HDAC9: variants seen among roughly 807,000 people sequenced by gnomAD.
HDAC9 encodes the protein MEF-2 interacting transcription repressor (MITR) protein.
In HDAC9, 41 loss-of-function variants were observed where a neutral mutation model predicts 139.4. That is an observed-to-expected ratio of 0.29 (90% CI 0.23 to 0.38). The LOEUF (loss-of-function observed/expected upper bound fraction) is 0.38. Among genes scored for constraint, HDAC9 ranks in the 10% least tolerant of loss-of-function variants. The pLI, the probability that HDAC9 is intolerant of heterozygous loss-of-function variation, is 1.00. For synonymous variants in HDAC9, 517 were observed against 476.2 expected (o/e 1.09, Z -1.12); for missense variants, 1,147 against 1,297.0 (o/e 0.88, Z 1.78).
intron 1 of HDAC9, among the ~76,000 whole-genome samples, chr7:18,413,320 A>G (rs2128746107): frequency 6.6e-6 from 1 of 152,314 alleles, no homozygotes; most frequent in South Asian, 2.1e-4. Flanking sequence ...TCTAGGTTCC[A>G]TTAAAAGACT....
chr7:18,445,401 C>T (rs1361676465), intron 1 of HDAC9, among the ~76,000 whole-genome samples: 1 of 152,070 alleles, frequency 6.6e-6, no homozygotes, highest in African/African-American at 2.4e-5. Flanking sequence ...TGTTAATCAA[C>T]TTGACATATC....
chr7:18,675,646 A>T (rs1185265834), intron 12 of HDAC9, among the ~76,000 whole-genome samples: 1 of 152,058 alleles, frequency 6.6e-6, no homozygotes, highest in African/African-American at 2.4e-5. Context: ...AAATTATAGT[A>T]CAGTACTTCC....
intron 1 of HDAC9, among the ~76,000 whole-genome samples, chr7:18,413,687 A>G (rs1275871989): frequency 2.0e-5 from 3 of 152,176 alleles, no homozygotes; most frequent in Non-Finnish European, 2.9e-5. Context: ...ACATAGAGGA[A>G]TAGATAATAA....
At chr7:18,495,112 G>A (rs1796692724), upstream of HDAC9, among the ~76,000 whole-genome samples, 1 of 152,020 alleles carries the variant, frequency 6.6e-6, no homozygotes, top group African/African-American at 2.4e-5. Flanking sequence ...TCTGGGGTGT[G>A]CTTGTTTTCC....
At chr7:18,978,249 G>C (rs1784676264) in intron 25 of HDAC9, among the ~76,000 whole-genome samples, 1 of 152,158 alleles carries the variant, frequency 6.6e-6, no homozygotes, top group Non-Finnish European at 1.5e-5. Flanking sequence ...TTTGGAGTGA[G>C]ATGACTCATT....
chr7:18,520,161 A>C (rs1489362927), intron 2 of HDAC9, among the ~76,000 whole-genome samples: 4 of 152,164 alleles, frequency 2.6e-5, no homozygotes, highest in Non-Finnish European at 5.9e-5. Flanking sequence ...TAAAAGTATT[A>C]ATAAGTTTAC....
chr7:18,587,025 A>T (rs947553500), intron 3 of HDAC9, among the ~76,000 whole-genome samples: 2 of 152,144 alleles, frequency 1.3e-5, no homozygotes, highest in African/African-American at 4.8e-5. Flanking sequence ...ATACTTTAAG[A>T]TGTAAGGGAC....
intron 12 of HDAC9, among the ~76,000 whole-genome samples, chr7:18,724,587 A>G (rs1785388223): frequency 6.6e-6 from 1 of 152,168 alleles, no homozygotes; most frequent in Admixed American, 6.5e-5. Context: ...AACACTGTAC[A>G]CTTAGGCTAC....
rs545750950 is a variant in HDAC9 at position 18,496,548 on chromosome 7, T to C, written c.22+224T>C. 1,029 of 528,402 alleles carry C rather than the reference T, an allele frequency of 1.9e-3. 4 individuals carry two copies. Among genetic ancestry groups the C allele is most frequent in the Non-Finnish European group, 2.9e-3 (874 of 297,268 alleles). The allele number at this position is 528,402 out of a possible 1,614,324, so 32.7% of individuals were successfully genotyped here. On this transcript the variant is annotated intron_variant, in intron 2 of 25. Coordinates refer to ENST00000686413, the MANE Select transcript of HDAC9 (RefSeq NM_178425.4). ...GCAGCTTCTGAATGAAATTGCAAAC[T>C]ATTGCTTCTGATGAAAGATGAGACT...
chr7:18,657,762 T>G (rs925339879), intron 11 of HDAC9, among the ~76,000 whole-genome samples: 1 of 152,142 alleles, frequency 6.6e-6, no homozygotes, highest in Non-Finnish European at 1.5e-5. Flanking sequence ...GCAGCCAGAA[T>G]GATCATTTCA....
intron 1 of HDAC9, among the ~76,000 whole-genome samples, chr7:18,375,283 A>G (rs1412666122): frequency 6.6e-6 from 1 of 152,200 alleles, no homozygotes; most frequent in Admixed American, 6.5e-5. Context: ...CAGCCTGACC[A>G]ACATGGTGAA....
At chr7:18,741,570 A>C (rs1787459562) in intron 13 of HDAC9, among the ~76,000 whole-genome samples, 1 of 152,244 alleles carries the variant, frequency 6.6e-6, no homozygotes, top group Non-Finnish European at 1.5e-5. Context: ...GGACATGTGC[A>C]ATGAGATTAA....
chr7:18,988,580 C>T (rs879637147), intron 25 of HDAC9, among the ~76,000 whole-genome samples: 23 of 152,116 alleles, frequency 1.5e-4, no homozygotes, highest in African/African-American at 4.1e-4. Flanking sequence ...CTATCAGGTC[C>T]GCTTGGTGCA....
chr7:18,585,213 C>G, intron 2 of HDAC9, 68 bp from the exon 3 acceptor site: 3 of 1,540,488 alleles, frequency 1.9e-6, no homozygotes, highest in Admixed American at 1.9e-5. Flanking sequence ...GTTTCCAAAT[C>G]AATGTGCTAA....
chr7:18,101,844 A>G (rs1172952205), intron 1 of HDAC9, among the ~76,000 whole-genome samples: 2 of 152,206 alleles, frequency 1.3e-5, no homozygotes, highest in Admixed American at 1.3e-4. Context: ...CCACTATGGG[A>G]AAGTACCATG....
intron 1 of HDAC9, among the ~76,000 whole-genome samples, chr7:18,453,783 G>A (rs1007687146): frequency 3.3e-5 from 5 of 151,974 alleles, no homozygotes; most frequent in African/African-American, 1.2e-4. Flanking sequence ...GCAGGTATCT[G>A]GAACTAAATT....
intron 2 of HDAC9, among the ~76,000 whole-genome samples, chr7:18,520,053 G>A (rs1804534228): frequency 6.6e-6 from 1 of 151,786 alleles, no homozygotes; most frequent in South Asian, 2.1e-4. Context: ...AGTAGGAGCA[G>A]AAAAGTAGTA....
intron 1 of HDAC9, among the ~76,000 whole-genome samples, chr7:18,358,983 G>A (rs546357268): frequency 1.5e-4 from 23 of 152,300 alleles, no homozygotes; most frequent in African/African-American, 4.3e-4. Flanking sequence ...CTAATAAATC[G>A]TAGGACTAAT....
chr7:18,314,807 G>T (rs999309581), intron 1 of HDAC9, among the ~76,000 whole-genome samples: 3 of 152,172 alleles, frequency 2.0e-5, no homozygotes, highest in Non-Finnish European at 4.4e-5. Context: ...CTACATGATT[G>T]TATTTCTAAC....
Sources: gnomAD v4.1 joint callset for allele counts (sites outside exome capture counted in the v4.1 genomes callset) on GRCh38, gnomAD v4.1.1 for gene constraint, MANE v1.5 for transcripts, NCBI Gene and HGNC (gene_info 2026-07-23, HGNC 2026-07-21) for gene names.